Variants in DENND5B observed in about 807,000 individuals in gnomAD.
The protein encoded by DENND5B is DENN domain-containing protein 5B.
A neutral mutation model predicts 140.6 loss-of-function variants in DENND5B; 34 were observed. That is an observed-to-expected ratio of 0.24 (90% confidence interval 0.18 to 0.32). The LOEUF is 0.32. Ranked by LOEUF, DENND5B falls within the 10% of genes least tolerant of loss-of-function variation. DENND5B has a pLI of 1.00. For synonymous variants in DENND5B, 551 were observed against 562.1 expected, an observed-to-expected ratio of 0.98 and a Z score of 0.28; for missense variants, 1,142 against 1,560.2, an observed-to-expected ratio of 0.73 and a Z score of 4.52.
intron 1 of DENND5B, among the ~76,000 whole-genome samples, chr12:31,563,551 A>G (rs1949542451): frequency 6.6e-6 from 1 of 152,246 alleles, no homozygotes; most frequent in Non-Finnish European, 1.5e-5. Context: ...TCAAGTTACT[A>G]TTCAGTGCAA....
rs895491908 is a variant in DENND5B at position 31,431,737 on chromosome 12, A to G, written c.2106+1418T>C. Reference sequence around the variant, plus strand: ...ATAAAGGGGAGTTTGTATATTTAATACATTTCCCCCTTTGAAGTAAGGCAA... The same window carrying G: ...ATAAAGGGGAGTTTGTATATTTAATGCATTTCCCCCTTTGAAGTAAGGCAA... On this transcript the variant is annotated intron_variant, in intron 8 of 20. Transcript: ENST00000389082. Among the ~76,000 whole-genome samples, 3 of 152,196 alleles carry G rather than the reference A, an allele frequency of 2.0e-5. No individual in the cohort carries two copies. The South Asian group carries it at 6.2e-4, about 32-fold the overall frequency.
chr12:31,534,307 G>A lies in DENND5B; in HGVS notation c.128-38388C>T, dbSNP rs375280971. Among the ~76,000 whole-genome samples the A allele has an allele frequency of 5.9e-5, 9 of 152,132 alleles. No homozygotes were observed. The East Asian group carries it at 1.5e-3, about 26-fold the overall frequency. ...CCCAAGTAGCTGGGATTACAGACAT[G>A]TGCCACGATACTCAGCTTTTTATTT... is the stretch of plus-strand genomic sequence containing the variant. On this transcript the variant is annotated intron_variant, in intron 1 of 20. Transcript: ENST00000389082.
intron 1 of DENND5B, among the ~76,000 whole-genome samples, chr12:31,547,279 A>G (rs1318478195): frequency 1.3e-5 from 2 of 152,250 alleles, no homozygotes; most frequent in Non-Finnish European, 2.9e-5. Context: ...AATTATCAAT[A>G]GTTTACTATT....
intron 5 of DENND5B, among the ~76,000 whole-genome samples, chr12:31,450,726 T>A (rs1230248837): frequency 6.6e-6 from 1 of 152,174 alleles, no homozygotes; most frequent in Non-Finnish European, 1.5e-5. Context: ...CCTCTTGGAA[T>A]GTATCAGCCC....
At chr12:31,584,847 A>G (rs1490314532) in intron 1 of DENND5B, among the ~76,000 whole-genome samples, 1 of 84,918 alleles carries the variant, frequency 1.2e-5, no homozygotes, top group East Asian at 3.5e-4. Context: ...CCCTCCCCGA[A>G]AAAAAAGAAA....
intron 3 of DENND5B, among the ~76,000 whole-genome samples, chr12:31,470,845 G>A (rs988796693): frequency 3.3e-5 from 5 of 152,178 alleles, no homozygotes; most frequent in African/African-American, 1.2e-4. Context: ...TTTGGGAAGA[G>A]GGACAATGAG....
chr12:31,585,018 C>T (rs1950349112), intron 1 of DENND5B, among the ~76,000 whole-genome samples: 2 of 151,956 alleles, frequency 1.3e-5, no homozygotes, highest in South Asian at 2.1e-4. Context: ...GGGAGTGGTG[C>T]CAGACTCTTT....
intron 2 of DENND5B, among the ~76,000 whole-genome samples, chr12:31,485,802 T>C (rs192693168): frequency 2.0e-5 from 3 of 152,084 alleles, no homozygotes; most frequent in Admixed American, 6.5e-5. Context: ...TGAGGCAACA[T>C]ATAAAAAGTT....
Position 31,590,915 on chromosome 12 carries a change from G to A in DENND5B, c.-83C>T, listed in dbSNP as rs1950598214. On this transcript the variant is annotated 5_prime_UTR_variant, in exon 1 of 21. Transcript: ENST00000389082. ...AGGCTGCCACCACCGCTCCGGCTGT[G>A]GTCTGTGCGCCCGCCCTAGGGCGAC... 1 of 1,150,082 alleles carries A rather than the reference G, an allele frequency of 8.7e-7. No individual in the cohort carries two copies. The allele number at this position is 1,150,082 out of a possible 1,614,324, so 71.2% of individuals were successfully genotyped here.
chr12:31,401,651 GAC>G (rs1941802860), intron 15 of DENND5B, among the ~76,000 whole-genome samples: 1 of 152,052 alleles, frequency 6.6e-6, no homozygotes, highest in South Asian at 2.1e-4. Flanking sequence ...TGTTTTTTGA[GAC>G]ACAGTCTCAC....
chr12:31,478,440 C>A (rs990440058), intron 3 of DENND5B, among the ~76,000 whole-genome samples: 1 of 152,224 alleles, frequency 6.6e-6, no homozygotes, highest in African/African-American at 2.4e-5. Flanking sequence ...TGCAATGCTT[C>A]ATGCCTGTAA....
chr12:31,511,089 A>G (rs1393900897), intron 1 of DENND5B, among the ~76,000 whole-genome samples: 1 of 152,092 alleles, frequency 6.6e-6, no homozygotes, highest in Non-Finnish European at 1.5e-5. Flanking sequence ...TTTTTAAAAA[A>G]TTAGCCAGGC....
At chr12:31,469,333 A>AC (rs1491133852) in intron 3 of DENND5B, among the ~76,000 whole-genome samples, 1 of 55,914 alleles carries the variant, frequency 1.8e-5, no homozygotes, top group Non-Finnish European at 3.7e-5. Context: ...ACTCCATCTC[A>AC]AAAAAAAAAA....
chr12:31,567,525 TAAAAAAAA>T (rs35048750), intron 1 of DENND5B, among the ~76,000 whole-genome samples: 1 of 91,746 alleles, frequency 1.1e-5, no homozygotes, highest in Non-Finnish European at 2.0e-5. Flanking sequence ...AGACTCTGTC[TAAAAAAAA>T]AAAAAAAAAA....
chr12:31,549,042 C>A (rs1948951787), intron 1 of DENND5B, among the ~76,000 whole-genome samples: 1 of 152,042 alleles, frequency 6.6e-6, no homozygotes, highest in Non-Finnish European at 1.5e-5. Flanking sequence ...GGTACAGGCA[C>A]CTGCCACTAT....
At position 31,495,959 on chromosome 12, in the gene DENND5B, C is replaced by T. The variant is rs560753148; in HGVS notation, c.128-40G>A. 364 of 1,383,156 alleles carry T rather than the reference C, an allele frequency of 2.6e-4. 4 individuals carry two copies. The East Asian group carries it at 8.5e-3, about 32-fold the overall frequency. The allele number at this position is 1,383,156 out of a possible 1,614,324, so 85.7% of individuals were successfully genotyped here. A position where few individuals can be genotyped will look rare whatever the true frequency, so the allele number is the denominator to read the frequency against. ...ACATAGTTAATATCTAGAACTTTTC[C>T]AAAAGCATGTCATAGTTTTCTATTT... On this transcript the variant is annotated intron_variant, in intron 1 of 20. Coordinates refer to ENST00000389082, the MANE Select transcript of DENND5B (RefSeq NM_144973.4).
Position 31,531,959 on chromosome 12 carries a change from A to C in DENND5B, c.128-36040T>G, listed in dbSNP as rs546794385. Among the ~76,000 whole-genome samples the C allele has an allele frequency of 2.0e-5, 3 of 152,328 alleles. No homozygotes were observed. The South Asian group carries it at 6.2e-4, about 32-fold the overall frequency. ...TTACTCAGGTAACGTTTATGGAGCC[A>C]TTTCACTGTGCTGTGTACTGGAAAT... is the stretch of plus-strand genomic sequence containing the variant. On this transcript the variant is annotated intron_variant, in intron 1 of 20. Coordinates refer to ENST00000389082, the MANE Select transcript of DENND5B (RefSeq NM_144973.4).
At chr12:31,572,300 T>A (rs1379382464) in intron 1 of DENND5B, among the ~76,000 whole-genome samples, 1 of 152,062 alleles carries the variant, frequency 6.6e-6, no homozygotes, top group Non-Finnish European at 1.5e-5. Context: ...TTATTTACCC[T>A]CACTCATTGT....
chr12:31,401,416 G>T (rs2137404795), intron 15 of DENND5B, among the ~76,000 whole-genome samples: 1 of 152,184 alleles, frequency 6.6e-6, no homozygotes, highest in East Asian at 1.9e-4. Context: ...GCTCCTGGGG[G>T]CGGGAGGGCA....
Sources: allele counts gnomAD v4.1 joint callset (sites outside exome capture counted in the v4.1 genomes callset), GRCh38; gene constraint gnomAD v4.1.1; transcripts MANE v1.5; gene names NCBI Gene and HGNC (gene_info 2026-07-23, HGNC 2026-07-21).